Variants in FRMD6 observed in about 807,000 individuals in gnomAD.
FRMD6 encodes FERM domain containing 6.
In FRMD6, 37 loss-of-function variants were observed where a neutral mutation model predicts 73.2. The ratio of observed to expected loss-of-function variants is 0.51; its 90% CI spans 0.39 to 0.66. FRMD6 has a LOEUF of 0.66. Ranked by LOEUF, FRMD6 falls within the 30% of genes least tolerant of loss-of-function variation. FRMD6 has a pLI of 0.00. For synonymous variants in FRMD6, 273 were observed against 282.2 expected, an observed-to-expected ratio of 0.97 and a Z score of 0.33; for missense variants, 714 against 780.5, an observed-to-expected ratio of 0.91 and a Z score of 1.02.
chr14:51,439,906 A>G, the FRMD6 span, among the ~76,000 whole-genome samples: 3 of 152,086 alleles, frequency 2.0e-5, no homozygotes, highest in African/African-American at 7.2e-5. Flanking sequence ...CTAATTTTGT[A>G]TTTGTAATTT....
chr14:51,726,446 C>G (rs190814657), intron 13 of FRMD6, among the ~76,000 whole-genome samples: 104 of 152,262 alleles, frequency 6.8e-4, no homozygotes, highest in Middle Eastern at 6.8e-3. Context: ...TTCTTGGGCT[C>G]TCTTTGTGTC....
intron 13 of FRMD6, among the ~76,000 whole-genome samples, chr14:51,726,809 T>C (rs1897981929): frequency 6.6e-6 from 1 of 152,160 alleles, no homozygotes; most frequent in Non-Finnish European, 1.5e-5. Context: ...GCACAAGGGA[T>C]CACTCGGATG....
the FRMD6 span, among the ~76,000 whole-genome samples, chr14:51,480,462 C>T: frequency 1.3e-5 from 2 of 152,010 alleles, no homozygotes; most frequent in East Asian, 1.9e-4. Context: ...AATCTGTATG[C>T]CCAGTGTGTA....
At chr14:51,424,957 A>G in the FRMD6 span, among the ~76,000 whole-genome samples, 1 of 152,216 alleles carries the variant, frequency 6.6e-6, no homozygotes, top group Non-Finnish European at 1.5e-5. Flanking sequence ...AGTTCCTGTG[A>G]ACACATGGTG....
At chr14:51,512,910 C>A (rs1184625408) in intron 1 of FRMD6, among the ~76,000 whole-genome samples, 2 of 152,204 alleles carry the variant, frequency 1.3e-5, no homozygotes, top group Non-Finnish European at 2.9e-5. Flanking sequence ...TGAGGCACCT[C>A]AAGGGCCTCC....
intron 2 of FRMD6, among the ~76,000 whole-genome samples, chr14:51,587,585 T>C (rs1889125775): frequency 1.3e-5 from 2 of 152,188 alleles, no homozygotes; most frequent in Admixed American, 6.5e-5. Flanking sequence ...GTGTGCTTGA[T>C]ATCTGCTGCT....
rs1263984551 is a variant in FRMD6, at chr14:51,730,652, A to G, written c.*2623A>G. On this transcript the variant is annotated 3_prime_UTR_variant, in exon 14 of 14. Transcript: ENST00000344768. ...CAAAAGTATGTAAAAAGAAACCTGC[A>G]TTATTTTGTAATTATTTCTTATAGA... The G allele has an allele frequency of 6.6e-6, 1 of 152,420 alleles. No individual in the cohort carries two copies. Among genetic ancestry groups the G allele is most frequent in the Non-Finnish European group, 1.5e-5 (1 of 68,024 alleles). 9.4% of individuals were successfully genotyped at this position (152,420 alleles called of 1,614,324 possible).
intron 2 of FRMD6, among the ~76,000 whole-genome samples, chr14:51,641,143 G>GTATT (rs879942813): frequency 5.3e-4 from 80 of 151,896 alleles, no homozygotes; most frequent in Non-Finnish European, 9.0e-4. Context: ...CTAATTTTTT[G>GTATT]TATTTATTTA....
chr14:51,651,471 G>A (rs1197597077), upstream of FRMD6: 4 of 152,138 alleles, frequency 2.6e-5, no homozygotes, highest in East Asian at 2.0e-4. Flanking sequence ...GGAGCGCCCC[G>A]AGGGAGTCCA....
At chr14:51,402,232 C>T in the FRMD6 span, among the ~76,000 whole-genome samples, 1 of 152,160 alleles carries the variant, frequency 6.6e-6, no homozygotes, top group Non-Finnish European at 1.5e-5. Context: ...TATTTGAACT[C>T]CAGGTTTTAA....
At chr14:51,490,858 A>G (rs1056641400) in intron 1 of FRMD6, among the ~76,000 whole-genome samples, 1 of 152,174 alleles carries the variant, frequency 6.6e-6, no homozygotes, top group Non-Finnish European at 1.5e-5. Context: ...TCCTCTCAGT[A>G]CTGGGCTCAA....
At chr14:51,575,562 A>G (rs1462330138) in intron 2 of FRMD6, 2 of 152,222 alleles carry the variant, frequency 1.3e-5, no homozygotes, top group Non-Finnish European at 2.9e-5. Flanking sequence ...TTCGTGAGAT[A>G]TTGTAGAACT....
At chr14:51,504,839 G>A (rs181440526) in intron 1 of FRMD6, among the ~76,000 whole-genome samples, 138 of 152,300 alleles carry the variant, frequency 9.1e-4, no homozygotes, top group Admixed American at 7.2e-3. Flanking sequence ...AGTTGCTTAA[G>A]TTTATTTTAC....
At chr14:51,724,086 A>G (rs1274521887) in intron 12 of FRMD6, 1 of 152,180 alleles carries the variant, frequency 6.6e-6, no homozygotes, top group East Asian at 1.9e-4. Flanking sequence ...AACGTTGCTT[A>G]TAAAACATTC....
At chr14:51,634,398 T>C (rs968229237) in intron 2 of FRMD6, among the ~76,000 whole-genome samples, 1 of 152,208 alleles carries the variant, frequency 6.6e-6, no homozygotes, top group Non-Finnish European at 1.5e-5. Context: ...TCTGCGTGAA[T>C]TAATGAATGA....
chr14:51,673,686 A>C (rs1894180735), intron 1 of FRMD6, among the ~76,000 whole-genome samples: 1 of 152,206 alleles, frequency 6.6e-6, no homozygotes, highest in Non-Finnish European at 1.5e-5. Flanking sequence ...AGAACTCCCC[A>C]AAACTGGAAG....
intron 2 of FRMD6, among the ~76,000 whole-genome samples, chr14:51,630,449 AC>A (rs1448971690): frequency 2.0e-5 from 3 of 152,180 alleles, no homozygotes; most frequent in African/African-American, 7.2e-5. Context: ...AATTAAAAAA[AC>A]AAAGAAGAAA....
chr14:51,516,574 T>C (rs1321725738), intron 1 of FRMD6, among the ~76,000 whole-genome samples: 1 of 152,180 alleles, frequency 6.6e-6, no homozygotes, highest in Non-Finnish European at 1.5e-5. Flanking sequence ...CTAGCTGCCA[T>C]TTGTCTATAT....
At chr14:51,404,679 C>T in the FRMD6 span, among the ~76,000 whole-genome samples, 1 of 152,126 alleles carries the variant, frequency 6.6e-6, no homozygotes, top group Non-Finnish European at 1.5e-5. Flanking sequence ...TTCTGCAATG[C>T]TTTCTCTGCC....
Sources: allele counts gnomAD v4.1 joint callset (sites outside exome capture counted in the v4.1 genomes callset), GRCh38; gene constraint gnomAD v4.1.1; transcripts MANE v1.5; gene names NCBI Gene and HGNC (gene_info 2026-07-23, HGNC 2026-07-21).